NWD1: variants seen among roughly 807,000 people sequenced by gnomAD.
NWD1 encodes the protein NACHT domain- and WD repeat-containing protein 1.
NWD1 carries 129 observed loss-of-function variants against 135.1 expected under a neutral mutation model. The observed-to-expected ratio is 0.96, with a 90% CI of 0.83 to 1.11. The LOEUF (loss-of-function observed/expected upper bound fraction) is 1.11. Among genes scored for constraint, NWD1 ranks in the 50% least tolerant of loss-of-function variants. The pLI is 0.00. For missense variants in NWD1, 1,740 were observed against 1,851.3 expected (o/e 0.94, Z 1.10); for synonymous variants, 773 against 786.0 (o/e 0.98, Z 0.28).
intron 6 of NWD1, among the ~76,000 whole-genome samples, chr19:16,752,617 A>T (rs2122827544): frequency 1.3e-5 from 2 of 152,252 alleles, no homozygotes; most frequent in South Asian, 4.1e-4. Flanking sequence ...CTTCCTTCCA[A>T]TGAAGAGTTA....
intron 12 of NWD1, among the ~76,000 whole-genome samples, chr19:16,786,108 A>G (rs1970031637): frequency 6.6e-6 from 1 of 151,668 alleles, no homozygotes; most frequent in Non-Finnish European, 1.5e-5. Context: ...CAACTGATTC[A>G]CCCACCTTGG....
Position 16,794,654 on chromosome 19 carries a change from G to C in NWD1, c.3304+101G>C, listed in dbSNP as rs556567410. ...ACAGAGAGAAGTCCTAGGGCCAGAG[G>C]TTAGCAACGTTTTCTGCCAAATGGC... is the stretch of plus-strand genomic sequence containing the variant. On this transcript the variant is annotated intron_variant, in intron 15 of 18. Transcript: ENST00000524140. 1.8e-4 allele frequency: 146 copies of C among 801,086 alleles called. 1 individual carries two copies. The African/African-American group carries it at 2.2e-3, about 12-fold the overall frequency. 49.6% of individuals were successfully genotyped at this position (801,086 alleles called of 1,614,324 possible). A position where few individuals can be genotyped will look rare whatever the true frequency, so the allele number is the denominator to read the frequency against.
At chr19:16,809,725 T>C (rs1452344324) in intron 18 of NWD1, among the ~76,000 whole-genome samples, 3 of 151,734 alleles carry the variant, frequency 2.0e-5, no homozygotes, top group African/African-American at 7.3e-5. Context: ...TGGCTAATTT[T>C]TTTGTATTTT....
At position 16,791,617 on chromosome 19, in the gene NWD1, T is replaced by G; in HGVS notation, c.3208T>G (p.Ser1070Ala). The change falls in exon 14 of 19, where the codon TCT (serine) becomes GCT (alanine). Residue 1070 changes from serine to alanine, a missense_variant. Coordinates refer to ENST00000524140, the MANE Select transcript of NWD1 (RefSeq NM_001007525.5). ...TACCGGGTTTAGCAATGGCTCCATCTCTTTGGTAAGCACCTTTACTGACTA... is the reference window on the plus strand; with the variant it reads ...TACCGGGTTTAGCAATGGCTCCATCGCTTTGGTAAGCACCTTTACTGACTA... ...LVTGFSNGSI[S>A]LVSSKGDRLL... The G allele has an allele frequency of 6.2e-7, 1 of 1,614,030 alleles. No homozygotes were observed. Among genetic ancestry groups the G allele is most frequent in the Non-Finnish European group, 8.5e-7 (1 of 1,179,954 alleles).
At position 16,808,155 on chromosome 19, in the gene NWD1, C is replaced by G; in HGVS notation, c.4287+19C>G. 1 of 1,607,586 alleles carries G rather than the reference C, an allele frequency of 6.2e-7. No individual in the cohort carries two copies. The highest frequency in any genetic ancestry group is 2.2e-5 in the East Asian group (1 of 44,836). On this transcript the variant is annotated intron_variant, in intron 18 of 18. Coordinates refer to ENST00000524140, the MANE Select transcript of NWD1 (RefSeq NM_001007525.5). ...CTACACGGTGGGTGGCCCGCCTCCC[C>G]ATGTTCATGCTAGACCCAGGCATTG... is the stretch of plus-strand genomic sequence containing the variant.
At chr19:16,771,996 G>A (rs1395652518) in intron 10 of NWD1, among the ~76,000 whole-genome samples, 2 of 151,842 alleles carry the variant, frequency 1.3e-5, no homozygotes, top group Admixed American at 6.6e-5. Context: ...TTAATAGAAC[G>A]GTTTTAGGTT....
chr19:16,766,299 A>G (rs1451329901), intron 10 of NWD1, among the ~76,000 whole-genome samples: 5 of 152,096 alleles, frequency 3.3e-5, no homozygotes, highest in African/African-American at 4.8e-5. Context: ...CTACTTGGGA[A>G]GGTGAGGTGG....
intron 2 of NWD1, among the ~76,000 whole-genome samples, chr19:16,728,396 T>C (rs1967413931): frequency 6.7e-6 from 1 of 149,726 alleles, no homozygotes; most frequent in Non-Finnish European, 1.5e-5. Context: ...GGGATTCTCC[T>C]GCCTCAGCCT....
Position 16,773,197 on chromosome 19 carries a change from G to A in NWD1, c.2482G>A (p.Gly828Arg). The change falls in exon 11 of 19, where the codon GGA becomes AGA. Residue 828 changes from glycine to arginine, a missense_variant. Transcript: ENST00000524140. ...FFATSHPALV[G>R]QLCQQAQSWF... ...CGCCACCTCACATCCAGCACTGGTG[G>A]GACAGCTATGCCAACAGGCCCAGAG... 1 of 1,613,854 alleles carries A rather than the reference G, an allele frequency of 6.2e-7. No homozygotes were observed. The highest frequency in any genetic ancestry group is 8.5e-7 in the Non-Finnish European group (1 of 1,180,022).
chr19:16,740,761 C>T (rs561017699), intron 4 of NWD1, among the ~76,000 whole-genome samples: 3 of 151,814 alleles, frequency 2.0e-5, no homozygotes, highest in Admixed American at 6.6e-5. Flanking sequence ...TGTGAGCCAC[C>T]GCACTGGCCC....
intron 8 of NWD1, among the ~76,000 whole-genome samples, chr19:16,762,555 AAAAC>A (rs111538296): frequency 5.9e-5 from 9 of 151,340 alleles, no homozygotes; most frequent in East Asian, 1.9e-4. Flanking sequence ...CTCTGTCTCA[AAAAC>A]AAACAAACAA....
At chr19:16,732,658 A>AAAAAAAAAAAAAAG (rs796729484) in intron 3 of NWD1, among the ~76,000 whole-genome samples, 89 of 123,494 alleles carry the variant, frequency 7.2e-4, no homozygotes, top group Non-Finnish European at 1.2e-3. Flanking sequence ...TCATCTCAAA[A>AAAAAAAAAAAAAAG]AAAAAAAAAA....
chr19:16,773,934 CCA>C, intron 11 of NWD1, among the ~76,000 whole-genome samples: 1 of 132,376 alleles, frequency 7.6e-6, no homozygotes, highest in Non-Finnish European at 1.6e-5. Flanking sequence ...ATTCATCCAT[CCA>C]TCTATCCATC....
At chr19:16,813,247 G>A (rs990505620) in intron 18 of NWD1, among the ~76,000 whole-genome samples, 1 of 152,094 alleles carries the variant, frequency 6.6e-6, no homozygotes, top group African/African-American at 2.4e-5. Flanking sequence ...GTAGTGGGGG[G>A]CTGGTTACAT....
chr19:16,774,749 C>T (rs1026926929), intron 11 of NWD1, among the ~76,000 whole-genome samples: 1 of 151,976 alleles, frequency 6.6e-6, no homozygotes, highest in Non-Finnish European at 1.5e-5. Flanking sequence ...TCAACCCTTT[C>T]TTTCTTCCTT....
chr19:16,761,051 A>T (rs922125201), intron 7 of NWD1, among the ~76,000 whole-genome samples: 9 of 151,526 alleles, frequency 5.9e-5, no homozygotes, highest in Admixed American at 2.0e-4. Context: ...GCAGCCACTC[A>T]TCTGCTTCCT....
chr19:16,739,025 T>G (rs1967972912), intron 4 of NWD1, among the ~76,000 whole-genome samples: 1 of 150,672 alleles, frequency 6.6e-6, no homozygotes. Flanking sequence ...TCTTTTGATC[T>G]ACACTTCTAT....
In NWD1 at chr19:16,762,266, C is replaced by T. The variant is rs562626820; in HGVS notation, c.2133+128C>T. 4.2e-6 allele frequency: 3 copies of T among 713,738 alleles called. No homozygotes were observed. In the South Asian group the frequency reaches 5.4e-5, roughly 13 times the overall value. 44.2% of individuals were successfully genotyped at this position (713,738 alleles called of 1,614,324 possible). On this transcript the variant is annotated intron_variant, in intron 8 of 18. Coordinates refer to ENST00000524140, the MANE Select transcript of NWD1 (RefSeq NM_001007525.5). Reference sequence around the variant, plus strand: ...CTACTTCTCCTTTCCGCACAGAGGGCAAGATGTCCCTTCTACTGTCCCCCC... The same window carrying T: ...CTACTTCTCCTTTCCGCACAGAGGGTAAGATGTCCCTTCTACTGTCCCCCC...
rs1280360648 is a variant in NWD1, at chr19:16,759,431, A to G, written c.1973+3A>G. 1.3e-6 allele frequency: 2 copies of G among 1,549,500 alleles called. No individual in the cohort carries two copies. The highest frequency in any genetic ancestry group is 1.4e-5 in the African/African-American group (1 of 73,416). On this transcript the variant is annotated splice_donor_region_variant and intron_variant, in intron 7 of 18. Coordinates refer to ENST00000524140, the MANE Select transcript of NWD1 (RefSeq NM_001007525.5). Reference sequence around the variant, plus strand: ...ACCCTCCTGGCCATTGCCCACAGGTAGGTCCAGGCAGCAGTGGCAGCGACA... The same window carrying G: ...ACCCTCCTGGCCATTGCCCACAGGTGGGTCCAGGCAGCAGTGGCAGCGACA...
Sources: allele counts gnomAD v4.1 joint callset (sites outside exome capture counted in the v4.1 genomes callset), GRCh38; gene constraint gnomAD v4.1.1; transcripts MANE v1.5; gene names NCBI Gene and HGNC (gene_info 2026-07-23, HGNC 2026-07-21).